MDGA2: variants seen among roughly 807,000 people sequenced by gnomAD.
The protein encoded by MDGA2 is MAM domain containing glycosylphosphatidylinositol anchor 2, also known as MAM domain-containing glycosylphosphatidylinositol anchor protein 2.
MDGA2 carries 40 observed loss-of-function variants against 117.8 expected under a neutral mutation model. The ratio of observed to expected loss-of-function variants is 0.34; its 90% confidence interval spans 0.26 to 0.44. The LOEUF (loss-of-function observed/expected upper bound fraction) is 0.44. Among genes scored for constraint, MDGA2 ranks in the 20% least tolerant of loss-of-function variants. MDGA2 has a pLI of 1.00. For missense variants in MDGA2, 1,123 were observed against 1,250.6 expected, an observed-to-expected ratio of 0.90 and a Z score of 1.54; for synonymous variants, 452 against 439.0, an observed-to-expected ratio of 1.03 and a Z score of -0.37.
rs143769396 is a variant in MDGA2, at chr14:47,150,144, T to C, written c.596-5870A>G. Among the ~76,000 whole-genome samples, 119 of 152,290 alleles carry C rather than the reference T, an allele frequency of 7.8e-4. 1 individual carries two copies. Among genetic ancestry groups the C allele is most frequent in the African/African-American group, 2.7e-3 (113 of 41,558 alleles). ...AATGACTGCCTCTAATTAGGAGGAA[T>C]AGGCAACTTCCATAGGTCCAGATGG... On this transcript the variant is annotated intron_variant, in intron 3 of 16. Coordinates refer to ENST00000399232, the MANE Select transcript of MDGA2 (RefSeq NM_001113498.3).
intron 6 of MDGA2, among the ~76,000 whole-genome samples, chr14:47,066,192 G>A (rs1158391109): frequency 6.6e-6 from 1 of 152,140 alleles, no homozygotes; most frequent in African/African-American, 2.4e-5. Flanking sequence ...AACACCTGGG[G>A]TTGGAGTGGG....
chr14:46,876,483 A>G (rs1297910983), intron 12 of MDGA2, among the ~76,000 whole-genome samples: 1 of 151,642 alleles, frequency 6.6e-6, no homozygotes, highest in Non-Finnish European at 1.5e-5. Flanking sequence ...AATAAGTAAT[A>G]AAGTCCAGGA....
chr14:47,176,759 A>C (rs996095474), intron 3 of MDGA2, among the ~76,000 whole-genome samples: 2 of 152,216 alleles, frequency 1.3e-5, no homozygotes, highest in African/African-American at 4.8e-5. Context: ...TTCATGTCTA[A>C]AACACCAAAA....
chr14:47,617,251 G>A (rs1896963317), intron 1 of MDGA2, among the ~76,000 whole-genome samples: 2 of 151,720 alleles, frequency 1.3e-5, no homozygotes, highest in Admixed American at 1.3e-4. Flanking sequence ...TGTCGCCTAG[G>A]CTGGAGTGCA....
intron 9 of MDGA2, among the ~76,000 whole-genome samples, chr14:46,938,189 T>A (rs1405253387): frequency 6.6e-6 from 1 of 151,904 alleles, no homozygotes; most frequent in Non-Finnish European, 1.5e-5. Flanking sequence ...CAAAAAATAT[T>A]TGAAAAAATG....
intron 1 of MDGA2, among the ~76,000 whole-genome samples, chr14:47,457,066 C>T (rs192931858): frequency 1.2e-4 from 18 of 152,250 alleles, no homozygotes; most frequent in Admixed American, 3.3e-4. Flanking sequence ...TGATAAAGCA[C>T]ATATGAGCCA....
intron 1 of MDGA2, among the ~76,000 whole-genome samples, chr14:47,480,527 T>G (rs1180169227): frequency 6.6e-6 from 1 of 152,014 alleles, no homozygotes; most frequent in East Asian, 1.9e-4. Context: ...CAAATATCAA[T>G]AATTCCATAT....
chr14:47,082,516 G>T (rs1265121818), intron 6 of MDGA2, among the ~76,000 whole-genome samples: 2 of 151,964 alleles, frequency 1.3e-5, no homozygotes, highest in Non-Finnish European at 2.9e-5. Flanking sequence ...GACAAATACA[G>T]CATTAACAAG....
At chr14:47,158,956 A>C (rs1477026646) in intron 3 of MDGA2, among the ~76,000 whole-genome samples, 1 of 152,214 alleles carries the variant, frequency 6.6e-6, no homozygotes, top group East Asian at 1.9e-4. Context: ...AGGCAACATG[A>C]TATGATTCCA....
At chr14:47,658,797 C>T (rs544255563) in intron 1 of MDGA2, among the ~76,000 whole-genome samples, 1 of 152,268 alleles carries the variant, frequency 6.6e-6, no homozygotes, top group East Asian at 1.9e-4. Context: ...CAGGGGCAAC[C>T]CACGTCCAAG....
intron 1 of MDGA2, among the ~76,000 whole-genome samples, chr14:47,561,158 G>GGTTTTTTTTTTTTTTTTTTTTTTTTTT (rs1566515949): frequency 3.6e-5 from 2 of 55,076 alleles, no homozygotes; most frequent in Non-Finnish European, 8.7e-5. Context: ...TTTTTGTTTT[G>GGTTTTTTTTTTTTTTTTTTTTTTTTTT]TTTTGTTTTT....
rs76157374 is a variant in MDGA2 at position 47,666,531 on chromosome 14, T to C, written c.280+7986A>G. On this transcript the variant is annotated intron_variant, in intron 1 of 16. Transcript: ENST00000399232. ...ATCTAGTGGGAATGTGGAGAACTTTTGAGTCTAGCTCAGGGATTTTAAACG... is the reference window on the plus strand; with the variant it reads ...ATCTAGTGGGAATGTGGAGAACTTTCGAGTCTAGCTCAGGGATTTTAAACG... Among the ~76,000 whole-genome samples, 182 of 152,312 alleles carry C rather than the reference T, an allele frequency of 1.2e-3. 1 individual carries two copies. The highest frequency in any genetic ancestry group is 4.3e-3 in the African/African-American group (177 of 41,566).
At chr14:47,232,377 C>T (rs571498549) in intron 2 of MDGA2, among the ~76,000 whole-genome samples, 19 of 151,902 alleles carry the variant, frequency 1.3e-4, no homozygotes, top group South Asian at 2.1e-4. Flanking sequence ...TGGGCAAGTG[C>T]TGTGATATTA....
At chr14:47,640,567 T>C (rs1200805877) in intron 1 of MDGA2, among the ~76,000 whole-genome samples, 1 of 152,150 alleles carries the variant, frequency 6.6e-6, no homozygotes, top group Non-Finnish European at 1.5e-5. Context: ...ATTTTTAGCA[T>C]ATCATAAAAG....
chr14:47,642,512 C>G (rs1897447036), intron 1 of MDGA2, among the ~76,000 whole-genome samples: 1 of 151,994 alleles, frequency 6.6e-6, no homozygotes, highest in Admixed American at 6.5e-5. Context: ...ACATTTGGAT[C>G]AAAAATTTAC....
At chr14:47,253,988 C>T (rs368033919) in intron 2 of MDGA2, among the ~76,000 whole-genome samples, 5 of 152,172 alleles carry the variant, frequency 3.3e-5, no homozygotes, top group Non-Finnish European at 4.4e-5. Flanking sequence ...AGCAATGGCC[C>T]GAGTTGTACA....
At chr14:47,163,104 T>C (rs1266169972) in intron 3 of MDGA2, among the ~76,000 whole-genome samples, 2 of 152,210 alleles carry the variant, frequency 1.3e-5, no homozygotes, top group East Asian at 3.9e-4. Context: ...GGGGCTCTAA[T>C]CTGGTTGTTG....
chr14:47,391,929 C>T (rs1172211687), intron 1 of MDGA2, among the ~76,000 whole-genome samples: 2 of 152,086 alleles, frequency 1.3e-5, no homozygotes, highest in African/African-American at 4.8e-5. Context: ...GTTAATTATT[C>T]TCATATGCAT....
At chr14:46,894,156 T>TA (rs928297290) in intron 10 of MDGA2, among the ~76,000 whole-genome samples, 22 of 152,178 alleles carry the variant, frequency 1.4e-4, no homozygotes, top group Middle Eastern at 3.4e-3. Context: ...TTAAATCTTA[T>TA]AAAAAATCTA....
Sources: gnomAD v4.1 joint callset for allele counts (sites outside exome capture counted in the v4.1 genomes callset) on GRCh38, gnomAD v4.1.1 for gene constraint, MANE v1.5 for transcripts, NCBI Gene and HGNC (gene_info 2026-07-23, HGNC 2026-07-21) for gene names.